Variants in PPP2R3C observed in about 807,000 individuals in gnomAD.
PPP2R3C encodes serine/threonine-protein phosphatase 2A regulatory subunit B'' subunit gamma.
Under a neutral mutation model 63.7 loss-of-function variants are expected in PPP2R3C, and 47 were observed. The ratio of observed to expected loss-of-function variants is 0.74; its 90% confidence interval spans 0.58 to 0.94. The LOEUF (loss-of-function observed/expected upper bound fraction) is 0.94, where lower values mean the gene tolerates loss of function less well. PPP2R3C is among the 40% of genes least tolerant of loss of function. PPP2R3C has a pLI of 0.00. For missense variants in PPP2R3C, 421 were observed against 518.4 expected (o/e 0.81, Z 1.82); for synonymous variants, 180 against 177.4 (o/e 1.01, Z -0.12).
chr14:35,094,023 G>A (rs541640520), intron 10 of PPP2R3C, among the ~76,000 whole-genome samples: 204 of 152,284 alleles, frequency 1.3e-3, no homozygotes, highest in Middle Eastern at 3.4e-3. Flanking sequence ...AAAGACAAGT[G>A]CATGTTATCT....
At chr14:35,118,257 A>C (rs1375998253) in intron 1 of PPP2R3C, among the ~76,000 whole-genome samples, 1 of 152,250 alleles carries the variant, frequency 6.6e-6, no homozygotes, top group Non-Finnish European at 1.5e-5. Flanking sequence ...AAATTAAGTC[A>C]AGAAAGTTTA....
At chr14:35,090,002 T>C (rs1320805138) in intron 11 of PPP2R3C, among the ~76,000 whole-genome samples, 2 of 152,052 alleles carry the variant, frequency 1.3e-5, no homozygotes, top group Admixed American at 6.6e-5. Flanking sequence ...ACATAACAGA[T>C]TTCAGAAAGA....
intron 11 of PPP2R3C, among the ~76,000 whole-genome samples, chr14:35,090,345 G>A (rs1339936135): frequency 6.8e-6 from 1 of 148,028 alleles, no homozygotes; most frequent in African/African-American, 2.5e-5. Context: ...GGGTTCAAGT[G>A]ATTCTCCTGC....
At chr14:35,099,565 A>G in intron 6 of PPP2R3C, 181 bp from the exon 7 acceptor site, 2 of 732,346 alleles carry the variant, frequency 2.7e-6, no homozygotes, top group South Asian at 5.0e-5. Context: ...AGCATTTTTG[A>G]AAAGTAGTAA....
At chr14:35,107,477 TA>T (rs1217634234) in intron 5 of PPP2R3C, 103 bp from the exon 6 acceptor site, 3 of 891,070 alleles carry the variant, frequency 3.4e-6, no homozygotes, top group Non-Finnish European at 5.4e-6. Context: ...CTAGTAACTC[TA>T]AAAACATTTC....
chr14:35,119,339 A>AAC (rs1168373479), intron 1 of PPP2R3C, among the ~76,000 whole-genome samples: 1 of 131,838 alleles, frequency 7.6e-6, no homozygotes, highest in Non-Finnish European at 1.7e-5. Context: ...TGCCCAGCCC[A>AAC]AATGAATTTT....
intron 1 of PPP2R3C, among the ~76,000 whole-genome samples, chr14:35,118,653 C>CT (rs150866333): frequency 0.41 from 50,961 of 125,768 alleles, 11,549 homozygotes; most frequent in East Asian, 0.72. Context: ...AGGTACCTTC[C>CT]TTTTTTTTTT....
chr14:35,121,734 G>A (rs576308092), intron 1 of PPP2R3C, 168 bp downstream of exon 1: 4 of 721,988 alleles, frequency 5.5e-6, no homozygotes, highest in African/African-American at 5.3e-5. Flanking sequence ...GAAAGTTTGG[G>A]TCAAACCTAT....
At chr14:35,118,769 T>C (rs1232786432) in intron 1 of PPP2R3C, among the ~76,000 whole-genome samples, 1 of 150,594 alleles carries the variant, frequency 6.6e-6, no homozygotes, top group Non-Finnish European at 1.5e-5. Context: ...TTCTCCTGCC[T>C]CAGCCTCCTG....
chr14:35,093,290 T>C (rs1324713427), intron 10 of PPP2R3C, among the ~76,000 whole-genome samples: 2 of 151,898 alleles, frequency 1.3e-5, no homozygotes, highest in African/African-American at 4.8e-5. Flanking sequence ...AAAGTAGTAA[T>C]TGGGAGGTTC....
chr14:35,092,992 G>C (rs1401326145), intron 10 of PPP2R3C, among the ~76,000 whole-genome samples: 1 of 151,932 alleles, frequency 6.6e-6, no homozygotes, highest in African/African-American at 2.4e-5. Context: ...GGGCAGATCA[G>C]AAGGTCAAGA....
At chr14:35,104,223 T>TGCTAGAAAGAGATG (rs59696858) in intron 6 of PPP2R3C, among the ~76,000 whole-genome samples, 54,445 of 151,970 alleles carry the variant, frequency 0.36, 9,859 homozygotes, top group South Asian at 0.46. Context: ...ATGTCTTCCT[T>TGCTAGAAAGAGATG]GCCAGAAGCA....
chr14:35,090,930 T>G, intron 11 of PPP2R3C, 140 bp downstream of exon 11: 1 of 645,262 alleles, frequency 1.5e-6, no homozygotes, highest in South Asian at 2.2e-5. Context: ...TTAGCCAGGA[T>G]GGTCTCTATC....
chr14:35,094,473 C>CA (rs71435854), intron 10 of PPP2R3C, among the ~76,000 whole-genome samples: 3 of 145,722 alleles, frequency 2.1e-5, no homozygotes, highest in Non-Finnish European at 4.5e-5. Context: ...CTGGCCTCAG[C>CA]TTTTTTTTAA....
At chr14:35,090,327 C>T (rs187978055) in intron 11 of PPP2R3C, among the ~76,000 whole-genome samples, 7 of 149,672 alleles carry the variant, frequency 4.7e-5, no homozygotes, top group African/African-American at 7.4e-5. Flanking sequence ...CTGCAACCTC[C>T]GCCTCCTGGG....
At chr14:35,121,779 T>C in intron 1 of PPP2R3C, 123 bp downstream of exon 1, 4 of 1,092,346 alleles carry the variant, frequency 3.7e-6, no homozygotes, top group South Asian at 1.4e-5. Context: ...TCCGCCTCCT[T>C]TGTCGGGAGG....
rs372613992 is a variant in PPP2R3C, at chr14:35,095,565, C to T, written c.839-381G>A. 1.3e-4 allele frequency among the ~76,000 whole-genome samples: 19 copies of T among 151,544 alleles called. No individual in the cohort carries two copies. In the East Asian group the frequency reaches 2.5e-3, roughly 20 times the overall value. On this transcript the variant is annotated intron_variant, in intron 9 of 12. Coordinates refer to ENST00000261475, the MANE Select transcript of PPP2R3C (RefSeq NM_017917.4). ...ATAAGAATGCCAAAAGGAGGTCGGG[C>T]GTGGTGGCTCACGCCGGTAATCCCA...
intron 1 of PPP2R3C, among the ~76,000 whole-genome samples, chr14:35,119,217 T>G (rs1595134590): frequency 6.6e-6 from 1 of 152,248 alleles, no homozygotes; most frequent in East Asian, 1.9e-4. Context: ...TTTGTATTTT[T>G]AGTAGAGACG....
In PPP2R3C at chr14:35,090,484, C is replaced by G. The variant is rs561161644; in HGVS notation, c.1113+586G>C. On this transcript the variant is annotated intron_variant, in intron 11 of 12. Coordinates refer to ENST00000261475, the MANE Select transcript of PPP2R3C (RefSeq NM_017917.4). The stretch of plus-strand genomic sequence containing the variant: ...TATGATCATGCCACTGCAGCCTGGG[C>G]GACAGAGCCAGACCCTTTCTCAAAA... 3.9e-4 allele frequency among the ~76,000 whole-genome samples: 59 copies of G among 151,044 alleles called. No homozygotes were observed. In the East Asian group the frequency reaches 0.011, roughly 29 times the overall value.
Sources: gnomAD v4.1 joint callset for allele counts (sites outside exome capture counted in the v4.1 genomes callset) on GRCh38, gnomAD v4.1.1 for gene constraint, MANE v1.5 for transcripts, NCBI Gene and HGNC (gene_info 2026-07-23, HGNC 2026-07-21) for gene names.